Variants in GHR observed in about 807,000 individuals in gnomAD.
GHR encodes the protein GH receptor.
In GHR, 35 loss-of-function variants were observed where a neutral mutation model predicts 67.1. That is an observed-to-expected ratio of 0.52 (90% CI 0.40 to 0.69). The LOEUF (loss-of-function observed/expected upper bound fraction) is 0.69, where lower values mean the gene tolerates loss of function less well. Ranked by LOEUF, GHR falls within the 30% of genes least tolerant of loss-of-function variation. The probability of loss-of-function intolerance (pLI) is 0.00; values close to 1 mark genes in which losing one functional copy is unlikely to be tolerated. For missense variants in GHR, 792 were observed against 764.6 expected (o/e 1.04, Z -0.42); for synonymous variants, 272 against 269.1 (o/e 1.01, Z -0.10).
At chr5:42,563,541 C>T (rs1316970126) in intron 1 of GHR, among the ~76,000 whole-genome samples, 2 of 146,708 alleles carry the variant, frequency 1.4e-5, no homozygotes, top group Non-Finnish European at 3.0e-5. Context: ...TGGCGTGAAC[C>T]CGGGAAGCGG....
chr5:42,649,358 A>G (rs1754902463), intron 3 of GHR, among the ~76,000 whole-genome samples: 1 of 152,202 alleles, frequency 6.6e-6, no homozygotes, highest in African/African-American at 2.4e-5. Context: ...TTTTTTAAAG[A>G]GGTTCTAATT....
chr5:42,467,861 T>C, intron 1 of GHR: 1 of 927,016 alleles, frequency 1.1e-6, no homozygotes, highest in Non-Finnish European at 1.7e-6. Context: ...ATTAAGGCTG[T>C]ATTTTCCCAC....
intron 2 of GHR, among the ~76,000 whole-genome samples, chr5:42,573,086 GA>G (rs1385362269): frequency 2.0e-5 from 3 of 152,186 alleles, no homozygotes; most frequent in African/African-American, 7.2e-5. Flanking sequence ...TAAAATCCAT[GA>G]AGGATATTTT....
chr5:42,675,620 C>A (rs1756534112), intron 3 of GHR, among the ~76,000 whole-genome samples: 1 of 152,164 alleles, frequency 6.6e-6, no homozygotes, highest in Non-Finnish European at 1.5e-5. Context: ...TGTATTCAAC[C>A]ACCAGCATTA....
At chr5:42,545,860 T>C (rs533032346) in intron 1 of GHR, among the ~76,000 whole-genome samples, 1 of 152,356 alleles carries the variant, frequency 6.6e-6, no homozygotes, top group Admixed American at 6.5e-5. Context: ...GGAATTTGAT[T>C]TGAGGTAACA....
intron 1 of GHR, among the ~76,000 whole-genome samples, chr5:42,539,293 T>A (rs1748397662): frequency 6.6e-6 from 1 of 152,196 alleles, no homozygotes; most frequent in South Asian, 2.1e-4. Flanking sequence ...TGTTTTCTGG[T>A]TCCTTCTCAT....
At chr5:42,571,297 C>T (rs1425573809) in intron 2 of GHR, among the ~76,000 whole-genome samples, 2 of 152,182 alleles carry the variant, frequency 1.3e-5, no homozygotes, top group Non-Finnish European at 2.9e-5. Flanking sequence ...GGTCCTGCAG[C>T]TGTCTGCTCA....
At chr5:42,505,086 G>A (rs1489730043) in intron 1 of GHR, among the ~76,000 whole-genome samples, 1 of 150,540 alleles carries the variant, frequency 6.6e-6, no homozygotes, top group Non-Finnish European at 1.5e-5. Flanking sequence ...CCCTGTCTTC[G>A]GAGTTGTTAA....
chr5:42,698,508 T>G (rs1005479107), intron 5 of GHR, among the ~76,000 whole-genome samples: 1 of 152,212 alleles, frequency 6.6e-6, no homozygotes, highest in African/African-American at 2.4e-5. Flanking sequence ...CCTTCCAATT[T>G]AATTTTCAAA....
Position 42,719,121 on chromosome 5 carries a change from A to G in GHR, c.1614A>G (p.Ala538=). 3.1e-6 allele frequency: 5 copies of G among 1,614,136 alleles called. No homozygotes were observed. Among genetic ancestry groups the G allele is most frequent in the Non-Finnish European group, 4.2e-6 (5 of 1,179,966 alleles). The part of the protein sequence containing the change: ...FLMDNAYFCE[A]DAKKCIPVAP... ...TGGACAATGCCTACTTCTGTGAGGC[A>G]GATGCCAAAAAGTGCATCCCTGTGG... Residue 538 remains alanine (A), a synonymous_variant, in exon 10 of 10, where the codon GCA becomes GCG. Coordinates refer to ENST00000230882, the MANE Select transcript of GHR (RefSeq NM_000163.5).
intron 3 of GHR, among the ~76,000 whole-genome samples, chr5:42,664,377 T>C (rs1047587710): frequency 3.3e-5 from 5 of 152,300 alleles, no homozygotes; most frequent in African/African-American, 1.2e-4. Context: ...AACAGCATGG[T>C]ACTGGTACCA....
chr5:42,651,129 G>T (rs1249582242), intron 3 of GHR, among the ~76,000 whole-genome samples: 2 of 152,170 alleles, frequency 1.3e-5, no homozygotes, highest in Non-Finnish European at 2.9e-5. Context: ...ATGCTGACAA[G>T]GCTGGAGCTA....
At chr5:42,467,196 T>C in intron 1 of GHR, 2 of 1,576,294 alleles carry the variant, frequency 1.3e-6, no homozygotes, top group Non-Finnish European at 1.7e-6. Flanking sequence ...GACTGAAGGC[T>C]TGCCCACATT....
At chr5:42,665,037 A>G (rs556594297) in intron 3 of GHR, among the ~76,000 whole-genome samples, 94 of 152,362 alleles carry the variant, frequency 6.2e-4, no homozygotes, top group Non-Finnish European at 1.1e-3. Context: ...AATCAAAACC[A>G]CAATGAGATA....
intron 1 of GHR, among the ~76,000 whole-genome samples, chr5:42,490,774 A>G (rs1329021697): frequency 6.6e-6 from 1 of 152,252 alleles, no homozygotes; most frequent in Non-Finnish European, 1.5e-5. Context: ...ACTGTGGACT[A>G]TAAAATACAG....
intron 2 of GHR, among the ~76,000 whole-genome samples, chr5:42,612,485 G>GT (rs936125861): frequency 3.0e-4 from 46 of 151,748 alleles, no homozygotes; most frequent in Non-Finnish European, 5.3e-4. Flanking sequence ...TTTAACTGTT[G>GT]TTTTTTTTAA....
chr5:42,521,040 A>G (rs1055599813), intron 1 of GHR, among the ~76,000 whole-genome samples: 2 of 152,182 alleles, frequency 1.3e-5, no homozygotes, highest in African/African-American at 4.8e-5. Context: ...TGCCAGTTCC[A>G]TGAAGTAGGA....
intron 3 of GHR, among the ~76,000 whole-genome samples, chr5:42,650,362 G>T (rs907219589): frequency 6.6e-6 from 1 of 151,972 alleles, no homozygotes; most frequent in African/African-American, 2.4e-5. Context: ...ACCAGTTCTA[G>T]ATAAAGAATT....
chr5:42,649,596 T>C (rs899765400), intron 3 of GHR, among the ~76,000 whole-genome samples: 1 of 152,146 alleles, frequency 6.6e-6, no homozygotes, highest in Non-Finnish European at 1.5e-5. Flanking sequence ...AAAGCCAAAA[T>C]GGCTGGCCCC....
Sources: gnomAD v4.1 joint callset for allele counts (sites outside exome capture counted in the v4.1 genomes callset) on GRCh38, gnomAD v4.1.1 for gene constraint, MANE v1.5 for transcripts, NCBI Gene and HGNC (gene_info 2026-07-23, HGNC 2026-07-21) for gene names.